MAPKBP1: variants seen among roughly 807,000 people sequenced by gnomAD.
MAPKBP1 encodes the protein mitogen-activated protein kinase binding protein 1.
MAPKBP1 carries 71 observed loss-of-function variants against 170.5 expected under a neutral mutation model. The ratio of observed to expected loss-of-function variants is 0.42; its 90% CI spans 0.34 to 0.51. The LOEUF (loss-of-function observed/expected upper bound fraction) is 0.51. Ranked by LOEUF, MAPKBP1 falls within the 20% of genes least tolerant of loss-of-function variation. The pLI is 0.06. For missense variants in MAPKBP1, 1,598 were observed against 1,933.0 expected, an observed-to-expected ratio of 0.83 and a Z score of 3.25; for synonymous variants, 719 against 757.9, an observed-to-expected ratio of 0.95 and a Z score of 0.84.
chr15:41,822,075 G>A lies in MAPKBP1; in HGVS notation c.2996G>A (p.Ser999Asn), dbSNP rs2065007265. 1 of 1,606,600 alleles carries A rather than the reference G, an allele frequency of 6.2e-7. No individual in the cohort carries two copies. Among genetic ancestry groups the A allele is most frequent in the African/African-American group, 1.3e-5 (1 of 74,762 alleles). ...PDSACSVDYS[S>N]SCLSSPEHPT... ...AGTGCCTGCTCTGTGGATTACAGCAGCAGCTGCCTTTCCAGCCCGGAGCAC... is the reference window on the plus strand; with the variant it reads ...AGTGCCTGCTCTGTGGATTACAGCAACAGCTGCCTTTCCAGCCCGGAGCAC... The change falls in exon 25 of 31, where the codon AGC becomes AAC. Residue 999 changes from serine to asparagine, a missense_variant. Ser to Asn is a conservative substitution (Grantham distance 46). Coordinates refer to ENST00000457542, the MANE Select transcript of MAPKBP1 (RefSeq NM_014994.3).
At chr15:41,802,953 C>T (rs1038832333) in intron 3 of MAPKBP1, among the ~76,000 whole-genome samples, 4 of 152,174 alleles carry the variant, frequency 2.6e-5, no homozygotes, top group East Asian at 3.8e-4. Flanking sequence ...TATAATCTTA[C>T]GGGACTACTG....
At chr15:41,819,115 G>C in intron 20 of MAPKBP1, 131 bp from the exon 21 acceptor site, 1 of 1,440,434 alleles carries the variant, frequency 6.9e-7, no homozygotes, top group Non-Finnish European at 9.5e-7. Context: ...TCTTCCCCCT[G>C]TTGAGTCTCC....
chr15:41,823,055 A>T lies in MAPKBP1; in HGVS notation c.3431A>T (p.Glu1144Val). 6.2e-7 allele frequency: 1 copy of T among 1,613,736 alleles called. No individual in the cohort carries two copies. The highest frequency in any genetic ancestry group is 8.5e-7 in the Non-Finnish European group (1 of 1,179,894). The change falls in exon 28 of 31, where the codon GAG becomes GTG. Residue 1144 changes from glutamate (E) to valine (V), a missense_variant. By Grantham distance (121) the Glu-to-Val change is moderately radical (BLOSUM62 -2). Around this residue, in one of 6 missense-constraint regions of MAPKBP1, gnomAD observed 942 missense variants for 953.2 expected, o/e 0.99. Coordinates refer to ENST00000457542, the MANE Select transcript of MAPKBP1 (RefSeq NM_014994.3). The part of the protein sequence containing the change: ...NGANPPGAPP[E>V]VEPSSGNPSP... The stretch of plus-strand genomic sequence containing the variant: ...GCCAATCCCCCTGGAGCACCCCCGG[A>T]GGTGGAACCGTCCTCTGGCAACCCC...
chr15:41,811,636 A>G (rs1336778375), intron 5 of MAPKBP1: 1 of 618,964 alleles, frequency 1.6e-6, no homozygotes, highest in Non-Finnish European at 3.0e-6. Flanking sequence ...GCGTAGTCTT[A>G]CTAGGGGCAG....
intron 2 of MAPKBP1, among the ~76,000 whole-genome samples, chr15:41,778,914 C>T (rs539809888): frequency 6.6e-6 from 1 of 152,254 alleles, no homozygotes; most frequent in South Asian, 2.1e-4. Context: ...GTATTGAGAT[C>T]GTCCTCCTCC....
At position 41,823,521 on chromosome 15, in the gene MAPKBP1, C is replaced by T; in HGVS notation, c.3673C>T (p.Leu1225=). The change falls in exon 29 of 31, where the codon CTG becomes TTG. Residue 1225 remains leucine (L), a synonymous_variant. Transcript: ENST00000457542. ...LSREIEAQDG[L]GSLPPADGRP... Reference sequence around the variant, plus strand: ...TCGGGAGATCGAAGCTCAGGATGGTCTGGGCTCCCTGCCCCCAGCTGATGG... The same window carrying T: ...TCGGGAGATCGAAGCTCAGGATGGTTTGGGCTCCCTGCCCCCAGCTGATGG... 2 of 1,614,150 alleles carry T rather than the reference C, an allele frequency of 1.2e-6. No individual in the cohort carries two copies. The highest frequency in any genetic ancestry group is 1.7e-6 in the Non-Finnish European group (2 of 1,180,010).
chr15:41,811,824 G>T (rs1466213462), intron 5 of MAPKBP1, 133 bp from the exon 6 acceptor site: 8 of 844,460 alleles, frequency 9.5e-6, no homozygotes, highest in South Asian at 7.3e-5. Flanking sequence ...TCTATACCCT[G>T]CCCTGACTTT....
In MAPKBP1 at chr15:41,775,164, C is replaced by G. The variant is rs2064076025; in HGVS notation, c.-109-3C>G. On this transcript the variant is annotated splice_polypyrimidine_tract_variant and splice_region_variant and intron_variant, in intron 1 of 30. Coordinates refer to ENST00000457542, the MANE Select transcript of MAPKBP1 (RefSeq NM_014994.3). ...GATACTAAGGTGGCTTCTGCCATCT[C>G]AGGTCAGTGAGAGGGCATACTGGGA... 1.3e-6 allele frequency: 1 copy of G among 768,492 alleles called. No individual in the cohort carries two copies. Among genetic ancestry groups the G allele is most frequent in the African/African-American group, 1.7e-5 (1 of 58,174 alleles). 47.6% of individuals were successfully genotyped at this position (768,492 alleles called of 1,614,324 possible).
At chr15:41,806,028 G>A (rs2064684561) in intron 3 of MAPKBP1, among the ~76,000 whole-genome samples, 1 of 152,182 alleles carries the variant, frequency 6.6e-6, no homozygotes, top group Non-Finnish European at 1.5e-5. Flanking sequence ...AGGGCTTTGA[G>A]ATCTTGCCCC....
intron 2 of MAPKBP1, among the ~76,000 whole-genome samples, chr15:41,795,994 G>A (rs1054644064): frequency 4.6e-5 from 7 of 152,360 alleles, no homozygotes; most frequent in South Asian, 2.1e-4. Flanking sequence ...GGGAGAGCAT[G>A]TGGGTGTTAC....
At chr15:41,816,839 G>T in intron 13 of MAPKBP1, 71 bp from the exon 14 acceptor site, 1 of 1,548,638 alleles carries the variant, frequency 6.5e-7, no homozygotes. Flanking sequence ...AGTTCCCTTG[G>T]GGCTCTTTGC....
At chr15:41,778,952 A>G (rs576535770) in intron 2 of MAPKBP1, among the ~76,000 whole-genome samples, 1 of 152,224 alleles carries the variant, frequency 6.6e-6, no homozygotes, top group Non-Finnish European at 1.5e-5. Flanking sequence ...GATCTAGGTT[A>G]TATTATTCCT....
intron 11 of MAPKBP1, 28 bp downstream of exon 11, chr15:41,815,433 T>G (rs1567150730): frequency 6.2e-7 from 1 of 1,611,668 alleles, no homozygotes; most frequent in East Asian, 2.2e-5. Flanking sequence ...GGGGCCCCGC[T>G]TCACCCTCAG....
intron 3 of MAPKBP1, among the ~76,000 whole-genome samples, chr15:41,810,317 G>A (rs954236199): frequency 6.6e-6 from 1 of 152,104 alleles, no homozygotes; most frequent in Non-Finnish European, 1.5e-5. Context: ...TGGTATTTAG[G>A]GGCCTGGCTG....
intron 29 of MAPKBP1, 26 bp from the exon 30 acceptor site, chr15:41,824,458 C>T (rs1297131565): frequency 6.4e-7 from 1 of 1,563,672 alleles, no homozygotes; most frequent in Admixed American, 1.9e-5. Flanking sequence ...TGCTGGGCCT[C>T]ACTGAGCTGT....
chr15:41,816,386 T>C, intron 12 of MAPKBP1, 173 bp from the exon 13 acceptor site: 1 of 583,446 alleles, frequency 1.7e-6, no homozygotes, highest in Admixed American at 3.0e-5. Flanking sequence ...ATGTTCACAT[T>C]AGGGAAAGCT....
At chr15:41,798,817 A>T (rs755145922) in intron 2 of MAPKBP1, among the ~76,000 whole-genome samples, 7 of 152,134 alleles carry the variant, frequency 4.6e-5, no homozygotes, top group Non-Finnish European at 7.4e-5. Context: ...TAGCCTGTTC[A>T]CATGTCCGTC....
chr15:41,800,555 G>A (rs2064573569), intron 3 of MAPKBP1, among the ~76,000 whole-genome samples: 1 of 152,058 alleles, frequency 6.6e-6, no homozygotes, highest in Non-Finnish European at 1.5e-5. Context: ...GGCTGGTGTT[G>A]AACTCCTGAG....
At chr15:41,804,857 T>G (rs2064662353) in intron 3 of MAPKBP1, among the ~76,000 whole-genome samples, 1 of 152,228 alleles carries the variant, frequency 6.6e-6, no homozygotes, top group Non-Finnish European at 1.5e-5. Flanking sequence ...AAATGGCTTC[T>G]TTTCTGGGTG....
Sources: gnomAD v4.1 joint callset for allele counts (sites outside exome capture counted in the v4.1 genomes callset) on GRCh38, gnomAD v4.1.1 for gene constraint, gnomAD v4.1.1 regional missense constraint, MANE v1.5 for transcripts, NCBI Gene and HGNC (gene_info 2026-07-23, HGNC 2026-07-21) for gene names.